The following ADD3 variants were observed in gnomAD, a reference collection of about 807,000 sequenced individuals.
The protein encoded by ADD3 is gamma-adducin.
In ADD3, 25 loss-of-function variants were observed where a neutral mutation model predicts 80.2. The ratio of observed to expected loss-of-function variants is 0.31; its 90% CI spans 0.23 to 0.44. The LOEUF (loss-of-function observed/expected upper bound fraction) is 0.44. ADD3 is among the 20% of genes least tolerant of loss of function. The pLI is 1.00. For synonymous variants in ADD3, 284 were observed against 289.6 expected (o/e 0.98, Z 0.20); for missense variants, 829 against 847.5 (o/e 0.98, Z 0.27).
At chr10:110,122,050 A>G in intron 8 of ADD3, 60 bp from the exon 9 acceptor site, 1 of 1,440,648 alleles carries the variant, frequency 6.9e-7, no homozygotes, top group Non-Finnish European at 9.4e-7. Flanking sequence ...TTTTGAAAGT[A>G]AAATACTCAT....
upstream of ADD3, chr10:110,006,004 TGCC>T (rs1208318196): frequency 2.0e-4 from 48 of 242,568 alleles, no homozygotes; most frequent in Admixed American, 3.3e-4. Flanking sequence ...CTGCTGCTGC[TGCC>T]GCCGCCGCCG....
intron 1 of ADD3, among the ~76,000 whole-genome samples, chr10:110,031,143 G>A (rs754179202): frequency 5.9e-5 from 9 of 152,268 alleles, no homozygotes; most frequent in Admixed American, 1.3e-4. Flanking sequence ...GCGTTGTGGC[G>A]CATGCCTGTA....
At chr10:110,005,481 T>A (rs922418804), upstream of ADD3, among the ~76,000 whole-genome samples, 1 of 152,278 alleles carries the variant, frequency 6.6e-6, no homozygotes, top group Non-Finnish European at 1.5e-5. Context: ...CCATTGCTTC[T>A]AGTCACATAA....
intron 1 of ADD3, among the ~76,000 whole-genome samples, chr10:110,088,059 T>C (rs1399161062): frequency 1.3e-5 from 2 of 152,168 alleles, no homozygotes; most frequent in Admixed American, 6.5e-5. Context: ...CTTTGTGTCT[T>C]TTTTGTTACT....
chr10:110,059,032 T>C (rs1858553100), intron 1 of ADD3, among the ~76,000 whole-genome samples: 1 of 152,250 alleles, frequency 6.6e-6, no homozygotes, highest in South Asian at 2.1e-4. Flanking sequence ...TGTGAAGTGC[T>C]CTCTTTTCAC....
chr10:110,066,313 C>T (rs569563413), intron 1 of ADD3, among the ~76,000 whole-genome samples: 1 of 152,280 alleles, frequency 6.6e-6, no homozygotes, highest in Non-Finnish European at 1.5e-5. Flanking sequence ...AATCTTGGCT[C>T]ACTGCAACGT....
At chr10:110,119,155 A>T in intron 6 of ADD3, 56 bp from the exon 7 acceptor site, 1 of 1,591,322 alleles carries the variant, frequency 6.3e-7, no homozygotes, top group South Asian at 1.1e-5. Context: ...TCAGGTTCCT[A>T]TGAAAATGTA....
At chr10:110,048,564 G>A (rs1340156281) in intron 1 of ADD3, among the ~76,000 whole-genome samples, 1 of 151,382 alleles carries the variant, frequency 6.6e-6, no homozygotes, top group Admixed American at 6.5e-5. Flanking sequence ...TGGAGATTAG[G>A]AACTTGGTGG....
chr10:110,107,336 A>G (rs1849501088), intron 2 of ADD3, among the ~76,000 whole-genome samples: 2 of 152,128 alleles, frequency 1.3e-5, no homozygotes, highest in Non-Finnish European at 2.9e-5. Context: ...GAATAAAGGA[A>G]AGAATTCATT....
chr10:110,111,521 A>T (rs1849999155), intron 2 of ADD3, among the ~76,000 whole-genome samples: 1 of 152,094 alleles, frequency 6.6e-6, no homozygotes, highest in South Asian at 2.1e-4. Flanking sequence ...CAGGATTTTG[A>T]TCTCTATAAA....
intron 1 of ADD3, among the ~76,000 whole-genome samples, chr10:110,044,771 T>C (rs1856741885): frequency 6.6e-6 from 1 of 152,250 alleles, no homozygotes; most frequent in Non-Finnish European, 1.5e-5. Flanking sequence ...AAAATGAAGC[T>C]ATGTGATTTA....
At chr10:110,104,233 C>T (rs995639721) in intron 2 of ADD3, among the ~76,000 whole-genome samples, 1 of 152,178 alleles carries the variant, frequency 6.6e-6, no homozygotes, top group African/African-American at 2.4e-5. Context: ...TGAAATCCAT[C>T]TGGACAAATG....
rs201632083 is a variant in ADD3 at position 110,025,996 on chromosome 10, ATCTT to A, written c.-30+17702_-30+17705del. On this transcript the variant is annotated intron_variant, in intron 1 of 14. Transcript: ENST00000356080. Reference sequence around the variant, plus strand: ...TTTCCAAAATCTGTAATGTGTCAGGATCTTTCTTGTTTTCTTAATAGAAGCCACA... The same window carrying A: ...TTTCCAAAATCTGTAATGTGTCAGGATCTTGTTTTCTTAATAGAAGCCACA... Among the ~76,000 whole-genome samples, 253 of 152,184 alleles carry A rather than the reference ATCTT, an allele frequency of 1.7e-3. 2 individuals carry two copies. Among genetic ancestry groups the A allele is most frequent in the Admixed American group, 0.011 (170 of 15,282 alleles).
chr10:110,033,258 A>G (rs930387905), intron 1 of ADD3, among the ~76,000 whole-genome samples: 1 of 152,248 alleles, frequency 6.6e-6, no homozygotes, highest in Non-Finnish European at 1.5e-5. Context: ...AAGGGCTGCT[A>G]TAACTACCAG....
intron 1 of ADD3, chr10:110,077,109 C>A (rs1590009943): frequency 6.6e-6 from 1 of 152,268 alleles, no homozygotes; most frequent in East Asian, 1.9e-4. Context: ...TACAGCACTT[C>A]AATTTTTTTG....
intron 12 of ADD3, 27 bp from the exon 13 acceptor site, chr10:110,130,336 A>G: frequency 6.2e-7 from 1 of 1,610,756 alleles, no homozygotes; most frequent in South Asian, 1.1e-5. Flanking sequence ...CTTGGTAATG[A>G]ATCGATTTTT....
intron 1 of ADD3, among the ~76,000 whole-genome samples, chr10:110,044,059 C>G (rs1856654630): frequency 6.6e-6 from 1 of 152,066 alleles, no homozygotes; most frequent in Non-Finnish European, 1.5e-5. Flanking sequence ...AAAAATTATG[C>G]AGGCATGGTG....
chr10:109,999,239 T>G (rs118033903), intron 1 of ADD3, among the ~76,000 whole-genome samples: 1 of 152,206 alleles, frequency 6.6e-6, no homozygotes, highest in African/African-American at 2.4e-5. Flanking sequence ...TTTGCTACTC[T>G]ACCAACACAC....
intron 1 of ADD3, among the ~76,000 whole-genome samples, chr10:110,087,654 C>T (rs1429547253): frequency 6.6e-6 from 1 of 152,172 alleles, no homozygotes; most frequent in Non-Finnish European, 1.5e-5. Flanking sequence ...ATGTCTTGTT[C>T]AGGTTAGTGT....
Sources: allele counts gnomAD v4.1 joint callset (sites outside exome capture counted in the v4.1 genomes callset), GRCh38; gene constraint gnomAD v4.1.1; transcripts MANE v1.5; gene names NCBI Gene and HGNC (gene_info 2026-07-23, HGNC 2026-07-21).